OXCT1: variants seen among roughly 807,000 people sequenced by gnomAD.
The protein encoded by OXCT1 is 3-oxoacid CoA-transferase 1, also known as succinyl-CoA:3-ketoacid coenzyme A transferase 1, mitochondrial.
OXCT1 carries 27 observed loss-of-function variants against 69.6 expected under a neutral mutation model. The ratio of observed to expected loss-of-function variants is 0.39; its 90% confidence interval spans 0.29 to 0.54. The LOEUF (loss-of-function observed/expected upper bound fraction) is 0.54. Among genes scored for constraint, OXCT1 ranks in the 20% least tolerant of loss-of-function variants. The probability of loss-of-function intolerance (pLI) is 0.72; values close to 1 mark genes in which losing one functional copy is unlikely to be tolerated. For missense variants in OXCT1, 437 were observed against 650.2 expected (o/e 0.67, Z 3.57); for synonymous variants, 202 against 217.8 (o/e 0.93, Z 0.64).
intron 14 of OXCT1, among the ~76,000 whole-genome samples, chr5:41,761,126 T>C (rs1219797149): frequency 2.0e-5 from 3 of 152,036 alleles, no homozygotes; most frequent in Non-Finnish European, 4.4e-5. Flanking sequence ...GCATTCAATA[T>C]CAACTTTTAA....
At chr5:41,742,677 C>T (rs1743234110) in intron 15 of OXCT1, among the ~76,000 whole-genome samples, 1 of 151,882 alleles carries the variant, frequency 6.6e-6, no homozygotes, top group South Asian at 2.1e-4. Context: ...GTTCCCCACC[C>T]TGTGTCCAAG....
intron 7 of OXCT1, among the ~76,000 whole-genome samples, chr5:41,813,142 T>C (rs531257236): frequency 6.6e-6 from 1 of 152,188 alleles, no homozygotes; most frequent in South Asian, 2.1e-4. Flanking sequence ...ACAGAGCCTC[T>C]GACCAAGCCC....
intron 7 of OXCT1, among the ~76,000 whole-genome samples, chr5:41,813,554 G>A (rs1402527686): frequency 1.3e-5 from 2 of 152,108 alleles, no homozygotes; most frequent in Middle Eastern, 3.4e-3. Context: ...TTTGTCCTAC[G>A]CTGTTCAGTC....
chr5:41,759,414 C>A (rs565791979), intron 14 of OXCT1, among the ~76,000 whole-genome samples: 3 of 152,172 alleles, frequency 2.0e-5, no homozygotes, highest in South Asian at 4.1e-4. Context: ...GAAAAAGAAG[C>A]TTAAGAAGAA....
chr5:41,865,272 C>T (rs947174093), intron 1 of OXCT1, among the ~76,000 whole-genome samples: 2 of 152,112 alleles, frequency 1.3e-5, no homozygotes, highest in African/African-American at 4.8e-5. Context: ...ACAGGCTTGT[C>T]AAGAATTCTA....
chr5:41,736,580 G>A (rs780321283), intron 16 of OXCT1, among the ~76,000 whole-genome samples: 4 of 151,752 alleles, frequency 2.6e-5, no homozygotes, highest in Admixed American at 2.6e-4. Flanking sequence ...ATTTTGTCAC[G>A]TCCTGTTATC....
intron 14 of OXCT1, among the ~76,000 whole-genome samples, chr5:41,761,400 G>A (rs746307454): frequency 1.3e-5 from 2 of 152,000 alleles, no homozygotes; most frequent in Non-Finnish European, 2.9e-5. Flanking sequence ...CATATACACA[G>A]AGCTTGGTGT....
At position 41,852,523 on chromosome 5, in the gene OXCT1, C is replaced by T. The variant is rs371479334; in HGVS notation, c.414+896G>A. 5.9e-5 allele frequency among the ~76,000 whole-genome samples: 9 copies of T among 152,294 alleles called. No homozygotes were observed. The East Asian group carries it at 9.6e-4, about 16-fold the overall frequency. On this transcript the variant is annotated intron_variant, in intron 4 of 16. Transcript: ENST00000196371. ...ATGAAAGAAGAGCAAACTGTAGACCCTCATTTTACTTAAAGATTTCAGAAA... is the reference window on the plus strand; with the variant it reads ...ATGAAAGAAGAGCAAACTGTAGACCTTCATTTTACTTAAAGATTTCAGAAA...
chr5:41,802,739 G>C (rs1449353536), intron 10 of OXCT1, among the ~76,000 whole-genome samples: 1 of 152,086 alleles, frequency 6.6e-6, no homozygotes, highest in African/African-American at 2.4e-5. Flanking sequence ...CCACATGGGA[G>C]ACGCAGTCAG....
At chr5:41,761,674 G>A (rs1297986118) in intron 14 of OXCT1, among the ~76,000 whole-genome samples, 2 of 151,978 alleles carry the variant, frequency 1.3e-5, no homozygotes, top group African/African-American at 4.8e-5. Flanking sequence ...CAGCTTTGAG[G>A]GCCATATGGT....
chr5:41,733,049 C>T (rs1415973835), intron 16 of OXCT1, among the ~76,000 whole-genome samples: 1 of 152,078 alleles, frequency 6.6e-6, no homozygotes, highest in African/African-American at 2.4e-5. Flanking sequence ...AATGAGAACG[C>T]ATTATGACTT....
intron 13 of OXCT1, among the ~76,000 whole-genome samples, chr5:41,776,351 A>C (rs1491003422): frequency 2.0e-5 from 3 of 152,206 alleles, no homozygotes; most frequent in Non-Finnish European, 4.4e-5. Context: ...GGGTGGGGGG[A>C]ATATGGAAAC....
At chr5:41,754,611 A>T (rs1443340752) in intron 14 of OXCT1, among the ~76,000 whole-genome samples, 2 of 152,106 alleles carry the variant, frequency 1.3e-5, no homozygotes, top group Admixed American at 1.3e-4. Flanking sequence ...CTAAATAAAG[A>T]AAATCAAGGT....
chr5:41,801,672 T>C (rs572885252), intron 10 of OXCT1, among the ~76,000 whole-genome samples: 22 of 152,274 alleles, frequency 1.4e-4, no homozygotes, highest in African/African-American at 4.1e-4. Context: ...TTTAGCTTTC[T>C]GATTTGTAAA....
intron 3 of OXCT1, among the ~76,000 whole-genome samples, chr5:41,855,033 C>T (rs1300052697): frequency 6.6e-6 from 1 of 152,150 alleles, no homozygotes; most frequent in Non-Finnish European, 1.5e-5. Context: ...CCCAAATGCT[C>T]ATCAGCAAAA....
rs769109654 is a variant in OXCT1, at chr5:41,739,409, C to T, written c.1502G>A (p.Ser501Asn). ...EGLTVDDVQK[S>N]TGCDFAVSPK... ...ACTTACTGCAAAATCACACCCAGTA[C>T]TCTTCTGTACGTCATCCACTGTCAG... is the stretch of plus-strand genomic sequence containing the variant. The change falls in exon 16 of 17, where the codon AGT becomes AAT. Residue 501 changes from serine (S) to asparagine (N), a missense_variant. Coordinates refer to ENST00000196371, the MANE Select transcript of OXCT1 (RefSeq NM_000436.4). The T allele has an allele frequency of 1.2e-6, 2 of 1,611,350 alleles. No individual in the cohort carries two copies. Among genetic ancestry groups the T allele is most frequent in the South Asian group, 1.1e-5 (1 of 91,030 alleles).
intron 13 of OXCT1, among the ~76,000 whole-genome samples, chr5:41,793,351 G>A: frequency 6.6e-6 from 1 of 152,104 alleles, no homozygotes; most frequent in East Asian, 1.9e-4. Flanking sequence ...CACGTACTTG[G>A]GAAGCAACAT....
chr5:41,861,505 C>T, intron 2 of OXCT1, 101 bp from the exon 3 acceptor site: 1 of 800,344 alleles, frequency 1.2e-6, no homozygotes, highest in South Asian at 1.4e-5. Context: ...AAACAAAGCA[C>T]ATTATTAGAT....
intron 7 of OXCT1, among the ~76,000 whole-genome samples, chr5:41,836,963 A>G (rs1379993366): frequency 4.6e-5 from 7 of 152,236 alleles, no homozygotes; most frequent in African/African-American, 1.7e-4. Context: ...TTTTAAATTC[A>G]CAATAAACAT....
Sources: gnomAD v4.1 joint callset for allele counts (sites outside exome capture counted in the v4.1 genomes callset) on GRCh38, gnomAD v4.1.1 for gene constraint, MANE v1.5 for transcripts, NCBI Gene and HGNC (gene_info 2026-07-23, HGNC 2026-07-21) for gene names.